The following PRKAR1A variants were observed in gnomAD, a reference collection of about 807,000 sequenced individuals.
PRKAR1A encodes cAMP-dependent protein kinase type I-alpha regulatory subunit.
PRKAR1A carries 3 observed loss-of-function variants against 52.0 expected under a neutral mutation model. The observed-to-expected ratio is 0.06, with a 90% CI of 0.03 to 0.15. The LOEUF (loss-of-function observed/expected upper bound fraction) is 0.15, where lower values mean the gene tolerates loss of function less well. Among genes scored for constraint, PRKAR1A ranks in the 10% least tolerant of loss-of-function variants. The pLI is 1.00. For missense variants in PRKAR1A, 240 were observed against 477.4 expected, an observed-to-expected ratio of 0.50 and a Z score of 4.63; for synonymous variants, 188 against 168.4, an observed-to-expected ratio of 1.12 and a Z score of -0.90.
chr17:68,540,858 A>T, intron 11 of PRKAR1A: 1 of 1,600,388 alleles, frequency 6.2e-7, no homozygotes, highest in South Asian at 1.1e-5. Context: ...CCTATCAAGA[A>T]GTCGAAGATG....
intron 11 of PRKAR1A, among the ~76,000 whole-genome samples, chr17:68,545,907 T>C (rs4968808): frequency 0.19 from 28,845 of 152,102 alleles, 2,827 homozygotes; most frequent in South Asian, 0.29. Flanking sequence ...CGGTGGCTCA[T>C]GCCTGTAATC....
chr17:68,487,559 G>C, the PRKAR1A span, among the ~76,000 whole-genome samples: 1 of 152,138 alleles, frequency 6.6e-6, no homozygotes, highest in African/African-American at 2.4e-5. Flanking sequence ...CCTGCACTTT[G>C]GGGGGCCAAG....
At chr17:68,521,045 G>A (rs530304123) in intron 2 of PRKAR1A, among the ~76,000 whole-genome samples, 92 of 152,208 alleles carry the variant, frequency 6.0e-4, no homozygotes, top group East Asian at 4.4e-3. Context: ...GGGTTCAGGC[G>A]ATTCTCCTGC....
At chr17:68,470,144 G>A in the PRKAR1A span, among the ~76,000 whole-genome samples, 47 of 150,916 alleles carry the variant, frequency 3.1e-4, 1 homozygote, top group Middle Eastern at 3.4e-3. Flanking sequence ...GTGCAGTTGC[G>A]TGACCTCGGC....
chr17:68,538,078 T>C (rs879763009), downstream of PRKAR1A, among the ~76,000 whole-genome samples: 1 of 152,208 alleles, frequency 6.6e-6, no homozygotes, highest in Admixed American at 6.5e-5. Context: ...GATTTAAAGC[T>C]AATGGGAGAA....
chr17:68,529,453 A>G (rs2085896446), intron 9 of PRKAR1A, among the ~76,000 whole-genome samples: 1 of 152,230 alleles, frequency 6.6e-6, no homozygotes, highest in African/African-American at 2.4e-5. Context: ...ATTTCTATGA[A>G]TGTGGCTCCA....
the PRKAR1A span, chr17:68,444,341 G>C: frequency 1.5e-6 from 1 of 677,894 alleles, no homozygotes; most frequent in Admixed American, 2.9e-5. Context: ...ATTTGAATCT[G>C]CCGCCATTAA....
the PRKAR1A span, among the ~76,000 whole-genome samples, chr17:68,483,861 C>CAA: frequency 6.9e-4 from 66 of 95,276 alleles, no homozygotes; most frequent in Middle Eastern, 0.014. Context: ...AACTCCGTCT[C>CAA]AAAAAAAAAA....
intron 2 of PRKAR1A, among the ~76,000 whole-genome samples, chr17:68,516,458 TTGAAA>T (rs2085436378): frequency 2.6e-5 from 4 of 152,108 alleles, no homozygotes; most frequent in African/African-American, 7.2e-5. Context: ...TATGAATTAA[TTGAAA>T]TGAATCATAT....
chr17:68,542,624 G>A, intron 11 of PRKAR1A: 1 of 1,187,272 alleles, frequency 8.4e-7, no homozygotes, highest in South Asian at 1.2e-5. Flanking sequence ...GGCCACTGAT[G>A]AATGGAGGGG....
downstream of PRKAR1A, chr17:68,535,782 TACAGGTGTGAGCCCA>T (rs1281696703): frequency 1.3e-5 from 6 of 453,996 alleles, no homozygotes; most frequent in Non-Finnish European, 1.8e-5. Flanking sequence ...GTGCTGGGAT[TACAGGTGTGAGCCCA>T]TGCCCAGCTG....
At chr17:68,537,591 G>C, downstream of PRKAR1A, 1 of 1,613,604 alleles carries the variant, frequency 6.2e-7, no homozygotes, top group Non-Finnish European at 8.5e-7. This position sits in a 1 kb window ranked among gnomAD's most constrained non-coding sequence, Gnocchi z 4.2. Flanking sequence ...TCCTTAGGAT[G>C]GTTTGGAGCC....
rs184811758 is a variant in PRKAR1A, at chr17:68,513,285, T to C, written c.-7+737T>C. On this transcript the variant is annotated intron_variant, in intron 1 of 10. Coordinates refer to ENST00000589228, the MANE Select transcript of PRKAR1A (RefSeq NM_002734.5). Reference sequence around the variant, plus strand: ...AGAAAATACACGGTACCTATTAACCTCTTCAGCTCAGAGCCTGTGGTGACG... The same window carrying C: ...AGAAAATACACGGTACCTATTAACCCCTTCAGCTCAGAGCCTGTGGTGACG... 4 of 152,326 alleles carry C rather than the reference T, an allele frequency of 2.6e-5. No individual in the cohort carries two copies. In the East Asian group the frequency reaches 7.7e-4, roughly 29 times the overall value. 9.4% of individuals were successfully genotyped at this position (152,326 alleles called of 1,614,324 possible).
the PRKAR1A span, among the ~76,000 whole-genome samples, chr17:68,451,428 G>A: frequency 1.2e-4 from 18 of 152,230 alleles, no homozygotes; most frequent in Non-Finnish European, 2.2e-4. Flanking sequence ...GCAAGACTCC[G>A]TCTCAAGAAA....
At chr17:68,429,465 C>T in the PRKAR1A span, among the ~76,000 whole-genome samples, 1 of 152,196 alleles carries the variant, frequency 6.6e-6, no homozygotes, top group African/African-American at 2.4e-5. Flanking sequence ...GTTTTTAAGA[C>T]AGTGTCATTA....
the PRKAR1A span, among the ~76,000 whole-genome samples, chr17:68,474,365 A>G: frequency 6.6e-6 from 1 of 152,208 alleles, no homozygotes; most frequent in Non-Finnish European, 1.5e-5. Flanking sequence ...GGATGCTGAC[A>G]GAAGGTTACT....
the PRKAR1A span, among the ~76,000 whole-genome samples, chr17:68,470,175 C>G: frequency 6.6e-6 from 1 of 151,926 alleles, no homozygotes; most frequent in Non-Finnish European, 1.5e-5. Flanking sequence ...CTCCATCTCC[C>G]AGGTTCAAGT....
the PRKAR1A span, among the ~76,000 whole-genome samples, chr17:68,486,888 T>C: frequency 6.6e-6 from 1 of 151,866 alleles, no homozygotes; most frequent in Admixed American, 6.6e-5. Flanking sequence ...ATTTTTTTTT[T>C]TCTCAGATGA....
the PRKAR1A span, among the ~76,000 whole-genome samples, chr17:68,480,188 C>T: frequency 1.3e-5 from 2 of 152,244 alleles, no homozygotes. Context: ...CCCTTAGATT[C>T]TTTCTTTAAT....
Sources: allele counts gnomAD v4.1 joint callset (sites outside exome capture counted in the v4.1 genomes callset), GRCh38; gene constraint gnomAD v4.1.1; non-coding constraint Gnocchi (gnomAD v3.1); transcripts MANE v1.5; gene names NCBI Gene and HGNC (gene_info 2026-07-23, HGNC 2026-07-21).